The following KIR3DL3 variants were observed in gnomAD, a reference collection of about 807,000 sequenced individuals.
The protein encoded by KIR3DL3 is killer cell immunoglobulin like receptor, three Ig domains and long cytoplasmic tail 3, also known as killer cell immunoglobulin-like receptor 3DL3.
Under a neutral mutation model 34.9 loss-of-function variants are expected in KIR3DL3, and 27 were observed. The observed-to-expected ratio is 0.77, with a 90% CI of 0.57 to 1.07. The LOEUF is 1.07. Ranked by LOEUF, KIR3DL3 falls within the 50% of genes least tolerant of loss-of-function variation. KIR3DL3 has a pLI of 0.00. For missense variants in KIR3DL3, 681 were observed against 528.5 expected, an observed-to-expected ratio of 1.29 and a Z score of -2.83; for synonymous variants, 217 against 200.2, an observed-to-expected ratio of 1.08 and a Z score of -0.71.
chr19:54,733,780 C>A (rs74533971), intron 5 of KIR3DL3, among the ~76,000 whole-genome samples: 13,248 of 152,166 alleles, frequency 0.087, 1,165 homozygotes, highest in East Asian at 0.33. Flanking sequence ...AAAACTTGCC[C>A]CTTCACCCAA....
intron 5 of KIR3DL3, among the ~76,000 whole-genome samples, chr19:54,733,444 A>C (rs1158661385): frequency 1.3e-5 from 2 of 152,216 alleles, no homozygotes; most frequent in Non-Finnish European, 2.9e-5. Context: ...AAGCAGAAGA[A>C]TGGCTTCAAC....
At position 54,735,887 on chromosome 19, in the gene KIR3DL3, G is replaced by T. The variant is rs768868813; in HGVS notation, c.1107+15G>T. ...TGAACAGGGAGGTAGGTGCTCCTCC[G>T]CCCAGCCTCGTGGCTAGTCTTATTC... On this transcript the variant is annotated intron_variant, in intron 7 of 7. Coordinates refer to ENST00000291860, the MANE Select transcript of KIR3DL3 (RefSeq NM_153443.5). 1 of 1,605,916 alleles carries T rather than the reference G, an allele frequency of 6.2e-7. No individual in the cohort carries two copies. Among genetic ancestry groups the T allele is most frequent in the Non-Finnish European group, 8.5e-7 (1 of 1,177,668 alleles).
chr19:54,727,855 T>C lies in KIR3DL3; in HGVS notation c.600T>C (p.Thr200=). Residue 200 remains threonine (T), a synonymous_variant, in exon 4 of 8, where the codon ACT becomes ACC. Coordinates refer to ENST00000291860, the MANE Select transcript of KIR3DL3 (RefSeq NM_153443.5). ...CCTACAGATGCTTTGGTTCTGTCACTCACTTACCCTATGAGTTGTCGGCTC... is the reference window on the plus strand; with the variant it reads ...CCTACAGATGCTTTGGTTCTGTCACCCACTTACCCTATGAGTTGTCGGCTC... ...AGTYRCFGSV[T]HLPYELSAPS... The C allele has an allele frequency of 6.2e-7, 1 of 1,614,032 alleles. No homozygotes were observed. Among genetic ancestry groups the C allele is most frequent in the East Asian group, 2.2e-5 (1 of 44,828 alleles).
chr19:54,726,706 C>T (rs1374093744), intron 3 of KIR3DL3, among the ~76,000 whole-genome samples: 13 of 144,264 alleles, frequency 9.0e-5, no homozygotes, highest in Admixed American at 7.3e-4. Context: ...AGAGCAACGT[C>T]GTGGGAGGGA....
intron 3 of KIR3DL3, among the ~76,000 whole-genome samples, chr19:54,727,142 C>T (rs1272980380): frequency 7.4e-6 from 1 of 135,302 alleles, no homozygotes; most frequent in Non-Finnish European, 1.6e-5. Flanking sequence ...AAGCTGGGGC[C>T]ATGGAGAAGG....
Position 54,734,490 on chromosome 19 carries a change from A to T in KIR3DL3, c.950-763A>T, listed in dbSNP as rs1432572921. Among the ~76,000 whole-genome samples the T allele has an allele frequency of 4.6e-5, 7 of 151,948 alleles. No homozygotes were observed. In the South Asian group the frequency reaches 1.5e-3, roughly 32 times the overall value. On this transcript the variant is annotated intron_variant, in intron 5 of 7. Coordinates refer to ENST00000291860, the MANE Select transcript of KIR3DL3 (RefSeq NM_153443.5). ...GTGTATCTGGGGGAAATCAAAAAGC[A>T]GCCCAGCCTGGGTTTTGTACCCTGG...
In KIR3DL3 at chr19:54,727,917, G is replaced by C; in HGVS notation, c.655+7G>C. On this transcript the variant is annotated splice_region_variant and intron_variant, in intron 4 of 7. Coordinates refer to ENST00000291860, the MANE Select transcript of KIR3DL3 (RefSeq NM_153443.5). ...CTGGACATCGTGGTCGTAGGTGAGAGAATACAGACCTGCCTCTCACCCTTG... is the reference window on the plus strand; with the variant it reads ...CTGGACATCGTGGTCGTAGGTGAGACAATACAGACCTGCCTCTCACCCTTG... 6.2e-7 allele frequency: 1 copy of C among 1,602,418 alleles called. No individual in the cohort carries two copies.
chr19:54,733,767 C>A (rs1408022298), intron 5 of KIR3DL3, among the ~76,000 whole-genome samples: 3 of 152,158 alleles, frequency 2.0e-5, no homozygotes, highest in African/African-American at 4.8e-5. Context: ...CTGTTCATGG[C>A]ATAAAACTTG....
In KIR3DL3 at chr19:54,735,147, C is replaced by G. The variant is rs1315410137; in HGVS notation, c.950-106C>G. ...GTCTCCCGCCATCTGGGTGCTTGTC[C>G]TAAAGAGACGTTGTATGTGGTTACC... On this transcript the variant is annotated intron_variant, in intron 5 of 7. Coordinates refer to ENST00000291860, the MANE Select transcript of KIR3DL3 (RefSeq NM_153443.5). The G allele has an allele frequency of 5.5e-6, 5 of 916,072 alleles. No individual in the cohort carries two copies. The Admixed American group carries it at 5.7e-5, about 10-fold the overall frequency. The allele number at this position is 916,072 out of a possible 1,614,324, so 56.7% of individuals were successfully genotyped here.
rs943163415 is a variant in KIR3DL3, at chr19:54,726,760, T to C, written c.355+423T>C. Among the ~76,000 whole-genome samples, 20 of 137,132 alleles carry C rather than the reference T, an allele frequency of 1.5e-4. 1 individual carries two copies. Among genetic ancestry groups the C allele is most frequent in the African/African-American group, 4.0e-4 (15 of 37,192 alleles). 90.0% of individuals were successfully genotyped at this position (137,132 alleles called of 152,430 possible). On this transcript the variant is annotated intron_variant, in intron 3 of 7. Coordinates refer to ENST00000291860, the MANE Select transcript of KIR3DL3 (RefSeq NM_153443.5). ...GGGCTTTGAAGATGGGGGAAGGCCATGAGCCACAAAGGCAGGTGGCCTCTA... is the reference window on the plus strand; with the variant it reads ...GGGCTTTGAAGATGGGGGAAGGCCACGAGCCACAAAGGCAGGTGGCCTCTA...
chr19:54,732,584 C>T (rs1263834356), intron 5 of KIR3DL3, among the ~76,000 whole-genome samples: 1 of 152,144 alleles, frequency 6.6e-6, no homozygotes, highest in African/African-American at 2.4e-5. Flanking sequence ...ATAGATAATG[C>T]TGAGTATATA....
intron 2 of KIR3DL3, 147 bp downstream of exon 2, chr19:54,725,429 C>A (rs1600159961): frequency 2.8e-6 from 2 of 708,624 alleles, no homozygotes; most frequent in Non-Finnish European, 4.6e-6. Context: ...AAAAGGAAGC[C>A]AGGGGAAGCT....
At chr19:54,735,740 C>G (rs2069470390) in intron 6 of KIR3DL3, 80 bp from the exon 7 acceptor site, 12 of 1,515,074 alleles carry the variant, frequency 7.9e-6, no homozygotes, top group Non-Finnish European at 1.1e-5. Context: ...ATGGCCTCCC[C>G]CTGTATGTTG....
chr19:54,727,480 CA>C, intron 3 of KIR3DL3, 130 bp from the exon 4 acceptor site: 1 of 867,312 alleles, frequency 1.2e-6, no homozygotes, highest in Non-Finnish European at 1.7e-6. Context: ...GTTATGGGCA[CA>C]AAAGAACACG....
Position 54,730,645 on chromosome 19 carries a change from G to A in KIR3DL3, c.949+859G>A, listed in dbSNP as rs375000294. ...ACCCTTCCCTTCCTGGCCTCTGGTA[G>A]CCACCATTCTACTCTCTACCTTTGT... is the stretch of plus-strand genomic sequence containing the variant. On this transcript the variant is annotated intron_variant, in intron 5 of 7. Coordinates refer to ENST00000291860, the MANE Select transcript of KIR3DL3 (RefSeq NM_153443.5). 9.6e-3 allele frequency among the ~76,000 whole-genome samples: 1,459 copies of A among 151,906 alleles called. 34 individuals are homozygous for A. Among genetic ancestry groups the A allele is most frequent in the African/African-American group, 0.033 (1,355 of 41,376 alleles).
At chr19:54,733,983 C>T (rs992314047) in intron 5 of KIR3DL3, among the ~76,000 whole-genome samples, 1 of 151,958 alleles carries the variant, frequency 6.6e-6, no homozygotes, top group Non-Finnish European at 1.5e-5. Flanking sequence ...ACGGAGAGGG[C>T]GGTCCTTCCC....
intron 2 of KIR3DL3, among the ~76,000 whole-genome samples, 188 bp downstream of exon 2, chr19:54,725,470 C>A (rs1451251244): frequency 6.6e-6 from 1 of 152,150 alleles, no homozygotes; most frequent in Non-Finnish European, 1.5e-5. Context: ...CCCTCCCCGG[C>A]CTTTCTTTCC....
Position 54,735,951 on chromosome 19 carries a change from C to T in KIR3DL3, c.1108-20C>T. ...GAAAATGTGAGCACCCTCCCTCACT[C>T]AGCATTTCCCTCCCTCCAGGACTCT... On this transcript the variant is annotated intron_variant, in intron 7 of 7. Transcript: ENST00000291860. 6.2e-7 allele frequency: 1 copy of T among 1,611,474 alleles called. No homozygotes were observed. The highest frequency in any genetic ancestry group is 8.5e-7 in the Non-Finnish European group (1 of 1,179,506).
chr19:54,730,292 G>T (rs35705724), intron 5 of KIR3DL3, among the ~76,000 whole-genome samples: 89,696 of 144,748 alleles, frequency 0.62, 28,330 homozygotes, highest in East Asian at 0.89. Flanking sequence ...GGTGGCTCAC[G>T]GTTGTAATCC....
Sources: allele counts gnomAD v4.1 joint callset (sites outside exome capture counted in the v4.1 genomes callset), GRCh38; gene constraint gnomAD v4.1.1; transcripts MANE v1.5; gene names NCBI Gene and HGNC (gene_info 2026-07-23, HGNC 2026-07-21).